The following HSF2BP variants were observed in gnomAD, a reference collection of about 807,000 sequenced individuals.
HSF2BP encodes heat shock transcription factor 2 binding protein, also known as heat shock factor 2-binding protein.
A neutral mutation model predicts 35.0 loss-of-function variants in HSF2BP; 35 were observed. The ratio of observed to expected loss-of-function variants is 1.00; its 90% confidence interval spans 0.76 to 1.32. The LOEUF (loss-of-function observed/expected upper bound fraction) is 1.32. Among genes scored for constraint, HSF2BP ranks in the 40% most tolerant of loss-of-function variants. The pLI, the probability that HSF2BP is intolerant of heterozygous loss-of-function variation, is 0.00. For missense variants in HSF2BP, 326 were observed against 321.7 expected, an observed-to-expected ratio of 1.01 and a Z score of -0.10; for synonymous variants, 114 against 117.4, an observed-to-expected ratio of 0.97 and a Z score of 0.18.
chr21:43,578,894 G>A (rs1237265992), intron 8 of HSF2BP, among the ~76,000 whole-genome samples: 1 of 152,114 alleles, frequency 6.6e-6, no homozygotes, highest in Non-Finnish European at 1.5e-5. Context: ...TGAGCCAGAA[G>A]AGAAGACTAG....
intron 4 of HSF2BP, among the ~76,000 whole-genome samples, chr21:43,638,351 G>A (rs757352513): frequency 1.3e-5 from 2 of 151,962 alleles, no homozygotes. Flanking sequence ...CCAGCTACTC[G>A]TGAGGCTGAG....
rs1490337431 is a variant in HSF2BP at position 43,656,596 on chromosome 21, C to T, written c.178G>A (p.Val60Ile). Residue 60 changes from valine (V) to isoleucine (I), a missense_variant, in exon 3 of 9, where the codon GTA becomes ATA. By Grantham distance (29) the Val-to-Ile change is conservative (BLOSUM62 3). Transcript: ENST00000291560. ...VLESFQKLKI[V>I]EKNLERKEQE... Reference sequence around the variant, plus strand: ...GAAAATGAAGACTCACTTTTTTCTACAATCTTTAATTTCTGGAAGCTCTCC... The same window carrying T: ...GAAAATGAAGACTCACTTTTTTCTATAATCTTTAATTTCTGGAAGCTCTCC... The T allele has an allele frequency of 1.9e-6, 3 of 1,604,492 alleles. No homozygotes were observed. The highest frequency in any genetic ancestry group is 2.2e-5 in the East Asian group (1 of 44,842).
At chr21:43,639,872 A>AT (rs2082612889) in intron 4 of HSF2BP, among the ~76,000 whole-genome samples, 1 of 152,218 alleles carries the variant, frequency 6.6e-6, no homozygotes, top group Admixed American at 6.5e-5. Context: ...AGAAAAAAAA[A>AT]CCGTAAGAAC....
chr21:43,643,083 T>G (rs1325031167), intron 4 of HSF2BP, among the ~76,000 whole-genome samples: 1 of 152,150 alleles, frequency 6.6e-6, no homozygotes, highest in African/African-American at 2.4e-5. Flanking sequence ...TCAGAATAGT[T>G]CTAGTTCTAT....
intron 4 of HSF2BP, among the ~76,000 whole-genome samples, chr21:43,636,027 T>C (rs374112286): frequency 2.1e-5 from 3 of 143,410 alleles, no homozygotes; most frequent in Admixed American, 7.2e-5. Flanking sequence ...CTGGGCACCA[T>C]AGTGAGACCC....
At chr21:43,467,844 CAT>C in the HSF2BP span, among the ~76,000 whole-genome samples, 1 of 126,458 alleles carries the variant, frequency 7.9e-6, no homozygotes, top group South Asian at 2.6e-4. Flanking sequence ...CCACACACCA[CAT>C]ACACACCACA....
intron 3 of HSF2BP, among the ~76,000 whole-genome samples, chr21:43,654,273 C>T (rs2082836073): frequency 1.3e-5 from 2 of 152,224 alleles, no homozygotes; most frequent in Admixed American, 6.5e-5. Flanking sequence ...AGATCCCACT[C>T]TTGCCTGCAG....
intron 6 of HSF2BP, among the ~76,000 whole-genome samples, chr21:43,624,935 A>G (rs1365201618): frequency 6.6e-6 from 1 of 152,118 alleles, no homozygotes; most frequent in Non-Finnish European, 1.5e-5. Context: ...AAAATTCACA[A>G]TATGTAAAGT....
At chr21:43,603,794 A>G (rs2082079943) in intron 7 of HSF2BP, among the ~76,000 whole-genome samples, 1 of 152,222 alleles carries the variant, frequency 6.6e-6, no homozygotes, top group Non-Finnish European at 1.5e-5. Context: ...AACTAGGAAC[A>G]GCCCGAAACC....
chr21:43,643,194 TA>T (rs2082662077), intron 4 of HSF2BP, among the ~76,000 whole-genome samples: 1 of 152,220 alleles, frequency 6.6e-6, no homozygotes, highest in African/African-American at 2.4e-5. Context: ...TAAAATGTAA[TA>T]ATCCCCAAAT....
rs566497332 is a variant in HSF2BP at position 43,630,663 on chromosome 21, C to T, written c.442-209G>A. 2.6e-5 allele frequency among the ~76,000 whole-genome samples: 4 copies of T among 152,248 alleles called. No homozygotes were observed. In the South Asian group the frequency reaches 8.3e-4, roughly 32 times the overall value. On this transcript the variant is annotated intron_variant, in intron 5 of 8. Transcript: ENST00000291560. ...CTACCCTGAAGATTGGTGGACTCTT[C>T]ACACGCATAAATATGATATAGGACA...
chr21:43,656,126 C>G (rs1171242825), intron 3 of HSF2BP, among the ~76,000 whole-genome samples: 1 of 152,200 alleles, frequency 6.6e-6, no homozygotes, highest in Non-Finnish European at 1.5e-5. Flanking sequence ...TCTCAAAAGT[C>G]TGAATGGACA....
chr21:43,574,608 C>T (rs1435788442), intron 8 of HSF2BP, among the ~76,000 whole-genome samples: 12 of 152,156 alleles, frequency 7.9e-5, no homozygotes, highest in East Asian at 1.9e-4. Context: ...CCGCCCGCCT[C>T]GGCCTCCCAA....
At chr21:43,617,819 T>G (rs774550504) in intron 6 of HSF2BP, among the ~76,000 whole-genome samples, 38 of 152,104 alleles carry the variant, frequency 2.5e-4, no homozygotes, top group African/African-American at 8.7e-4. Context: ...CCAGGTGTGG[T>G]GGCATGCACC....
intron 3 of HSF2BP, among the ~76,000 whole-genome samples, chr21:43,649,806 G>A (rs2082758408): frequency 6.6e-6 from 1 of 152,162 alleles, no homozygotes; most frequent in African/African-American, 2.4e-5. Flanking sequence ...TCTCCAAAAT[G>A]AACAATTGCC....
intron 8 of HSF2BP, among the ~76,000 whole-genome samples, chr21:43,579,753 C>CTCTTG (rs2081698641): frequency 6.6e-6 from 1 of 152,194 alleles, no homozygotes; most frequent in South Asian, 2.1e-4. Flanking sequence ...CTTCTCTTCA[C>CTCTTG]TCTTGTTTTC....
chr21:43,580,329 C>T (rs1247992967), intron 8 of HSF2BP, among the ~76,000 whole-genome samples: 1 of 152,200 alleles, frequency 6.6e-6, no homozygotes, highest in African/African-American at 2.4e-5. Context: ...CCTGACCAGA[C>T]TACACTAAAG....
At position 43,621,102 on chromosome 21, in the gene HSF2BP, G is replaced by A. The variant is rs1220047953; in HGVS notation, c.575-7155C>T. 3.3e-5 allele frequency among the ~76,000 whole-genome samples: 5 copies of A among 152,196 alleles called. 1 individual carries two copies. The highest frequency in any genetic ancestry group is 3.3e-4 in the Admixed American group (5 of 15,280). On this transcript the variant is annotated intron_variant, in intron 6 of 8. Coordinates refer to ENST00000291560, the MANE Select transcript of HSF2BP (RefSeq NM_007031.2). ...AACACCAGAGTCAACTTAAATGAGT[G>A]TACCCCAAGGTATATACTAATCAAA...
chr21:43,594,674 GAGA>G (rs370101522), intron 7 of HSF2BP, among the ~76,000 whole-genome samples: 29 of 151,994 alleles, frequency 1.9e-4, no homozygotes, highest in Middle Eastern at 3.4e-3. Flanking sequence ...GGAACGAAAA[GAGA>G]AGAAGGGAGA....
Sources: gnomAD v4.1 joint callset for allele counts (sites outside exome capture counted in the v4.1 genomes callset) on GRCh38, gnomAD v4.1.1 for gene constraint, MANE v1.5 for transcripts, NCBI Gene and HGNC (gene_info 2026-07-23, HGNC 2026-07-21) for gene names.